Variants in TULP2 observed in about 807,000 individuals in gnomAD.
TULP2 encodes the protein tubby-related protein 2.
A neutral mutation model predicts 60.3 loss-of-function variants in TULP2; 64 were observed. The ratio of observed to expected loss-of-function variants is 1.06; its 90% CI spans 0.87 to 1.31. TULP2 has a LOEUF of 1.31. Among genes scored for constraint, TULP2 ranks in the 50% most tolerant of loss-of-function variants. The probability of loss-of-function intolerance (pLI) is 0.00; values close to 1 mark genes in which losing one functional copy is unlikely to be tolerated. For synonymous variants in TULP2, 267 were observed against 265.4 expected, an observed-to-expected ratio of 1.01 and a Z score of -0.06; for missense variants, 652 against 667.0, an observed-to-expected ratio of 0.98 and a Z score of 0.25.
chr19:48,881,158 C>G, intron 12 of TULP2, 32 bp from the exon 13 acceptor site: 1 of 1,455,076 alleles, frequency 6.9e-7, no homozygotes, highest in Non-Finnish European at 9.5e-7. Context: ...AAGCCTTAGC[C>G]TGACTCTCTC....
intron 9 of TULP2, among the ~76,000 whole-genome samples, chr19:48,884,887 A>G (rs912721535): frequency 2.0e-5 from 3 of 148,504 alleles, no homozygotes; most frequent in Admixed American, 2.0e-4. Context: ...TATTTTATTT[A>G]AAGGGCCCTT....
At position 48,896,430 on chromosome 19, in the gene TULP2, C is replaced by T. The variant is rs761225878; in HGVS notation, c.211G>A (p.Gly71Ser). Residue 71 changes from glycine (G) to serine (S), a missense_variant and splice_region_variant, in exon 4 of 13, where the codon GGC becomes AGC. Physicochemically the swap from Gly to Ser is moderately conservative, Grantham distance 56. Coordinates refer to ENST00000221399, the MANE Select transcript of TULP2 (RefSeq NM_003323.3). ...LREERLLGDR[G>S]LGNPFLRKKV... The stretch of plus-strand genomic sequence containing the variant: ...AACGCCCCCAGGGGTCTTTGGTCAC[C>T]TCTGTCACCTAAAAGGCGCTCCTCC... The T allele has an allele frequency of 3.1e-6, 5 of 1,606,900 alleles. No individual in the cohort carries two copies. In the South Asian group the frequency reaches 3.3e-5, roughly 11 times the overall value.
intron 6 of TULP2, among the ~76,000 whole-genome samples, chr19:48,893,501 G>T (rs1484846647): frequency 6.6e-6 from 1 of 152,152 alleles, no homozygotes; most frequent in Non-Finnish European, 1.5e-5. Context: ...TGGTTGCCAA[G>T]GGCTGGGGTA....
chr19:48,889,173 A>G (rs1278937996), intron 7 of TULP2, among the ~76,000 whole-genome samples: 1 of 151,050 alleles, frequency 6.6e-6, no homozygotes. Context: ...ACAGGGTTTC[A>G]CCACGTTGGC....
At chr19:48,883,088 G>A (rs970666190) in intron 11 of TULP2, among the ~76,000 whole-genome samples, 6 of 152,034 alleles carry the variant, frequency 3.9e-5, no homozygotes, top group South Asian at 2.1e-4. Flanking sequence ...GCATGGTAGC[G>A]GGCGCCTGTA....
intron 6 of TULP2, among the ~76,000 whole-genome samples, chr19:48,891,915 G>A: frequency 6.6e-6 from 1 of 152,204 alleles, no homozygotes; most frequent in Non-Finnish European, 1.5e-5. Context: ...AAGGTGCTGT[G>A]CCTGGATGTG....
chr19:48,885,381 A>G (rs2037169966), intron 9 of TULP2, 67 bp downstream of exon 9: 10 of 1,316,930 alleles, frequency 7.6e-6, no homozygotes, highest in Non-Finnish European at 1.1e-5. Context: ...CCTGCTGGGA[A>G]ATGGAGTCCC....
At position 48,881,024 on chromosome 19, in the gene TULP2, G is replaced by C; in HGVS notation, c.1550C>G (p.Ser517Cys). ...AACAGCCAGCTTCTAATTGAAACTG[G>C]ACAAGCAGATGCTGAAGGCCTGGAG... ...SPLQAFSICLSSFN is the reference protein window; with the variant it reads ...SPLQAFSICLCSFN The change falls in exon 13 of 13, where the codon TCC becomes TGC. Residue 517 changes from serine (S) to cysteine (C), a missense_variant. Ser to Cys is a moderately radical substitution (Grantham distance 112). Transcript: ENST00000221399. 2.5e-6 allele frequency: 4 copies of C among 1,613,544 alleles called. No individual in the cohort carries two copies. The highest frequency in any genetic ancestry group is 2.5e-6 in the Non-Finnish European group (3 of 1,179,746).
Position 48,897,752 on chromosome 19 carries a change from A to G in TULP2, c.32+85T>C. On this transcript the variant is annotated intron_variant, in intron 2 of 12. Coordinates refer to ENST00000221399, the MANE Select transcript of TULP2 (RefSeq NM_003323.3). The surrounding 1 kb of genome is among the most constrained non-coding windows in gnomAD (Gnocchi z 4.0). ...GCAAGGCCGATGGTGCTGAACCTGC[A>G]AACATGGTTATGAAGCCAGAGCCGA... The G allele has an allele frequency of 6.9e-7, 1 of 1,445,508 alleles. No individual in the cohort carries two copies. Among genetic ancestry groups the G allele is most frequent in the South Asian group, 1.1e-5 (1 of 87,354 alleles). 89.5% of individuals were successfully genotyped at this position (1,445,508 alleles called of 1,614,324 possible). A position where few individuals can be genotyped will look rare whatever the true frequency, so the allele number is the denominator to read the frequency against.
intron 4 of TULP2, 22 bp downstream of exon 4, chr19:48,896,408 G>A: frequency 1.3e-6 from 2 of 1,571,644 alleles, no homozygotes; most frequent in Non-Finnish European, 8.6e-7. Context: ...CCAGGCGAAC[G>A]CCCCCAGGGG....
chr19:48,887,012 C>CTT (rs535945118), intron 8 of TULP2, among the ~76,000 whole-genome samples: 10 of 132,588 alleles, frequency 7.5e-5, no homozygotes, highest in Non-Finnish European at 9.6e-5. Flanking sequence ...CGTGCCCGGC[C>CTT]TTTTTTTTTT....
Position 48,897,577 on chromosome 19 carries a change from C to G in TULP2, c.33-181G>C. The G allele has an allele frequency of 2.8e-6, 2 of 715,136 alleles. No homozygotes were observed. The highest frequency in any genetic ancestry group is 4.7e-6 in the Non-Finnish European group (2 of 429,568). 44.3% of individuals were successfully genotyped at this position (715,136 alleles called of 1,614,324 possible). ...AGGGCCCTTTCTCCTGGCACTGGCC[C>G]ACAGAAGCCGGGACCCAGAGATCCC... On this transcript the variant is annotated intron_variant, in intron 2 of 12. Coordinates refer to ENST00000221399, the MANE Select transcript of TULP2 (RefSeq NM_003323.3). The surrounding 1 kb of genome is among the most constrained non-coding windows in gnomAD (Gnocchi z 4.0).
In TULP2 at chr19:48,897,848, T is replaced by G; in HGVS notation, c.21A>C (p.Thr7=). The change falls in exon 2 of 13, where the codon ACA becomes ACC. Residue 7 remains threonine (T), a synonymous_variant. Coordinates refer to ENST00000221399, the MANE Select transcript of TULP2 (RefSeq NM_003323.3). The surrounding 1 kb of genome is among the most constrained non-coding windows in gnomAD (Gnocchi z 4.0). The stretch of plus-strand genomic sequence containing the variant: ...GTTTCCCTACTCACTCTCTCATCAA[T>G]GTGTCATTATCCTGAGACATTCTGC... MSQDND[T]LMRDILGHEL... is the part of the protein sequence containing the mutation. The G allele has an allele frequency of 1.2e-6, 2 of 1,613,740 alleles. No individual in the cohort carries two copies. Among genetic ancestry groups the G allele is most frequent in the African/African-American group, 2.7e-5 (2 of 75,042 alleles).
Position 48,888,137 on chromosome 19 carries a change from C to T in TULP2, c.761G>A (p.Arg254Lys). ...GEGGTDSDHM[R>K]HEASLAIRSP... ...GCGGATTGCCAAGGAGGCTTCGTGC[C>T]TCATATGGTCGCTGTCCGTGCCACC... The change falls in exon 8 of 13, where the codon AGG (arginine) becomes AAG (lysine). Residue 254 changes from arginine to lysine, a missense_variant. Transcript: ENST00000221399. 1 of 1,614,184 alleles carries T rather than the reference C, an allele frequency of 6.2e-7. No homozygotes were observed.
rs201743574 is a variant in TULP2 at position 48,888,059 on chromosome 19, G to A, written c.839C>T (p.Ala280Val). The stretch of plus-strand genomic sequence containing the variant: ...GCACTGCATCATGGTGCCCGGGAGC[G>A]CTGGCCGCAGCACGTAGGCTTCCAT... ...EDMEAYVLRP[A>V]LPGTMMQCYL... The change falls in exon 8 of 13, where the codon GCG becomes GTG. Residue 280 changes from alanine to valine, a missense_variant. Physicochemically the swap from Ala to Val is moderately conservative, Grantham distance 64 (BLOSUM62 0). Transcript: ENST00000221399. The A allele has an allele frequency of 2.1e-5, 34 of 1,614,050 alleles. No homozygotes were observed. In the South Asian group the frequency reaches 3.0e-4, roughly 14 times the overall value.
chr19:48,896,291 C>T, intron 4 of TULP2, 139 bp downstream of exon 4: 2 of 1,271,262 alleles, frequency 1.6e-6, no homozygotes, highest in Non-Finnish European at 2.1e-6. Flanking sequence ...TGTTCTAAAG[C>T]TCTCCTGGGC....
chr19:48,882,270 A>C, intron 11 of TULP2, 67 bp from the exon 12 acceptor site: 1 of 1,580,980 alleles, frequency 6.3e-7, no homozygotes, highest in Admixed American at 1.7e-5. Context: ...AACAGGGGCG[A>C]CTCCATCTTG....
intron 9 of TULP2, among the ~76,000 whole-genome samples, chr19:48,884,297 T>G (rs979907988): frequency 6.7e-6 from 1 of 149,638 alleles, no homozygotes; most frequent in Non-Finnish European, 1.5e-5. Context: ...ATAGAAAAAT[T>G]AGTTGGGCGT....
At position 48,895,408 on chromosome 19, in the gene TULP2, C is replaced by T. The variant is rs867763218; in HGVS notation, c.307G>A (p.Gly103Ser). ...ALGTVSCGGD[G>S]RGERGLPTPR... The stretch of plus-strand genomic sequence containing the variant: ...GTCGGGAGGCCGCGCTCGCCCCTGC[C>T]GTCTCCACCACAGCTCACGGTGCCC... The change falls in exon 5 of 13, where the codon GGC becomes AGC. Residue 103 changes from glycine to serine, a missense_variant. Coordinates refer to ENST00000221399, the MANE Select transcript of TULP2 (RefSeq NM_003323.3). 1 of 1,613,866 alleles carries T rather than the reference C, an allele frequency of 6.2e-7. No individual in the cohort carries two copies.
Sources: gnomAD v4.1 joint callset for allele counts (sites outside exome capture counted in the v4.1 genomes callset) on GRCh38, gnomAD v4.1.1 for gene constraint, Gnocchi (gnomAD v3.1) non-coding constraint, MANE v1.5 for transcripts, NCBI Gene and HGNC (gene_info 2026-07-23, HGNC 2026-07-21) for gene names.